SOX5: variants seen among roughly 807,000 people sequenced by gnomAD.
The protein encoded by SOX5 is SRY-box transcription factor 5.
In SOX5, 9 loss-of-function variants were observed where a neutral mutation model predicts 92.0. The observed-to-expected ratio is 0.10, with a 90% confidence interval of 0.06 to 0.17. SOX5 has a LOEUF of 0.17. Among genes scored for constraint, SOX5 ranks in the 10% least tolerant of loss-of-function variants. The pLI is 1.00. For synonymous variants in SOX5, 344 were observed against 336.3 expected, an observed-to-expected ratio of 1.02 and a Z score of -0.25; for missense variants, 642 against 944.5, an observed-to-expected ratio of 0.68 and a Z score of 4.20.
intron 1 of SOX5, among the ~76,000 whole-genome samples, chr12:24,371,988 TA>T (rs946592470): frequency 0.014 from 1,967 of 143,664 alleles, 22 homozygotes; most frequent in Admixed American, 0.024. Flanking sequence ...ACTCTGCCTT[TA>T]AAAAAAAAAA....
chr12:24,180,416 A>G (rs1955357630), intron 4 of SOX5, among the ~76,000 whole-genome samples: 1 of 152,200 alleles, frequency 6.6e-6, no homozygotes, highest in African/African-American at 2.4e-5. Flanking sequence ...TTCAGTTAAC[A>G]TGAATTAGTC....
At chr12:24,252,554 A>G (rs1246615312) in intron 3 of SOX5, among the ~76,000 whole-genome samples, 1 of 152,134 alleles carries the variant, frequency 6.6e-6, no homozygotes, top group Non-Finnish European at 1.5e-5. Flanking sequence ...ATCTATTTGC[A>G]TTTAATTTGA....
At chr12:24,171,998 T>C (rs909155797) in intron 4 of SOX5, among the ~76,000 whole-genome samples, 1 of 152,034 alleles carries the variant, frequency 6.6e-6, no homozygotes. Flanking sequence ...GCAGAAAATG[T>C]GCATAGATGC....
At chr12:24,530,974 A>G (rs984384154) in intron 1 of SOX5, among the ~76,000 whole-genome samples, 5 of 152,132 alleles carry the variant, frequency 3.3e-5, no homozygotes, top group African/African-American at 1.2e-4. Context: ...TACTAAATAA[A>G]TCGGCAAAAT....
chr12:23,772,229 T>C (rs927921223), intron 3 of SOX5, among the ~76,000 whole-genome samples: 1 of 152,250 alleles, frequency 6.6e-6, no homozygotes, highest in African/African-American at 2.4e-5. Flanking sequence ...AATTTTTTGA[T>C]GTCTTCATCT....
At chr12:24,235,975 G>T (rs1964414161) in intron 3 of SOX5, among the ~76,000 whole-genome samples, 1 of 152,044 alleles carries the variant, frequency 6.6e-6, no homozygotes, top group Non-Finnish European at 1.5e-5. Flanking sequence ...AGATCACAAG[G>T]TCAGGAAATC....
At chr12:24,049,638 G>GTTTTTTTTTTTTTTTTT (rs527647441) in intron 4 of SOX5, among the ~76,000 whole-genome samples, 4 of 73,772 alleles carry the variant, frequency 5.4e-5, no homozygotes, top group African/African-American at 1.8e-4. Context: ...ATCCTTCATA[G>GTTTTTTTTTTTTTTTTT]TTTTTTTTTT....
At chr12:24,404,432 T>C (rs757641632) in intron 1 of SOX5, among the ~76,000 whole-genome samples, 4 of 152,126 alleles carry the variant, frequency 2.6e-5, no homozygotes, top group Admixed American at 2.6e-4. Context: ...TTCTAGCCAA[T>C]GGTATGATGG....
At chr12:24,023,158 C>T (rs1954508678) in intron 4 of SOX5, among the ~76,000 whole-genome samples, 3 of 152,108 alleles carry the variant, frequency 2.0e-5, no homozygotes, top group Admixed American at 2.0e-4. Flanking sequence ...AGTATTTATG[C>T]AAGCCATGTT....
At chr12:24,390,565 C>G (rs1183507540) in intron 1 of SOX5, among the ~76,000 whole-genome samples, 1 of 152,142 alleles carries the variant, frequency 6.6e-6, no homozygotes, top group Non-Finnish European at 1.5e-5. Context: ...AGTAATTTAT[C>G]ATTCCTTACC....
intron 4 of SOX5, among the ~76,000 whole-genome samples, chr12:24,092,491 C>T (rs1297564028): frequency 6.6e-6 from 1 of 152,142 alleles, no homozygotes; most frequent in African/African-American, 2.4e-5. Context: ...GTGGATGCTT[C>T]ACCAATAAAT....
chr12:24,077,772 CAT>C (rs35914700), intron 4 of SOX5, among the ~76,000 whole-genome samples: 19,362 of 116,420 alleles, frequency 0.17, 1,627 homozygotes, highest in African/African-American at 0.27. Context: ...AAGGTATTTT[CAT>C]ATATATATAT....
chr12:24,187,824 A>C (rs1405834371), intron 4 of SOX5, among the ~76,000 whole-genome samples: 1 of 152,158 alleles, frequency 6.6e-6, no homozygotes, highest in Non-Finnish European at 1.5e-5. Context: ...AATCTCATAG[A>C]ATATGGGAAG....
intron 3 of SOX5, among the ~76,000 whole-genome samples, chr12:23,818,015 TG>T (rs2096029809): frequency 6.6e-6 from 1 of 152,210 alleles, no homozygotes; most frequent in African/African-American, 2.4e-5. Flanking sequence ...GACTCCTTCT[TG>T]GGCATTTAGA....
Position 24,146,621 on chromosome 12 carries a change from G to C in SOX5, c.-2+66722C>G, listed in dbSNP as rs117273399. Among the ~76,000 whole-genome samples, 607 of 149,960 alleles carry C rather than the reference G, an allele frequency of 4.0e-3. 1 individual carries two copies. Among genetic ancestry groups the C allele is most frequent in the Non-Finnish European group, 6.9e-3 (467 of 67,460 alleles). On this transcript the variant is annotated intron_variant, in intron 4 of 4. Coordinates refer to the SOX5 transcript ENST00000446891. Reference sequence around the variant, plus strand: ...ATGTTAGCAGAAGAAACAAAGAAAAGTAAATTCAATGAAACAAAAAATTAA... The same window carrying C: ...ATGTTAGCAGAAGAAACAAAGAAAACTAAATTCAATGAAACAAAAAATTAA...
At chr12:24,323,356 T>C (rs989058323) in intron 2 of SOX5, among the ~76,000 whole-genome samples, 1 of 151,214 alleles carries the variant, frequency 6.6e-6, no homozygotes, top group East Asian at 1.9e-4. Flanking sequence ...AAGTTAGTTA[T>C]ATAATTAGTG....
chr12:23,838,077 A>C (rs1239331546), intron 3 of SOX5, among the ~76,000 whole-genome samples: 2 of 135,254 alleles, frequency 1.5e-5, no homozygotes, highest in Non-Finnish European at 3.1e-5. Flanking sequence ...TATTATATTT[A>C]TATTTATATA....
intron 3 of SOX5, among the ~76,000 whole-genome samples, chr12:23,784,828 G>A (rs1248950089): frequency 6.6e-6 from 1 of 152,154 alleles, no homozygotes; most frequent in Admixed American, 6.5e-5. Context: ...TGTAATCCCA[G>A]CACTTTGAGA....
chr12:23,550,410 A>G (rs1445851126), intron 11 of SOX5, among the ~76,000 whole-genome samples: 1 of 151,958 alleles, frequency 6.6e-6, no homozygotes, highest in Non-Finnish European at 1.5e-5. Context: ...CATGTGTTAG[A>G]TTCTCATTAG....
Sources: gnomAD v4.1 joint callset for allele counts (sites outside exome capture counted in the v4.1 genomes callset) on GRCh38, gnomAD v4.1.1 for gene constraint, MANE v1.5 for transcripts, NCBI Gene and HGNC (gene_info 2026-07-23, HGNC 2026-07-21) for gene names.